The following TRIM49B variants were observed in gnomAD, a reference collection of about 807,000 sequenced individuals.
The protein encoded by TRIM49B is tripartite motif containing 49B, also known as putative tripartite motif-containing protein 49B.
A neutral mutation model predicts 31.8 loss-of-function variants in TRIM49B; 18 were observed. The ratio of observed to expected loss-of-function variants is 0.57; its 90% CI spans 0.39 to 0.84. The LOEUF (loss-of-function observed/expected upper bound fraction) is 0.84. TRIM49B is among the 40% of genes least tolerant of loss of function. TRIM49B has a pLI of 0.00. For synonymous variants in TRIM49B, 196 were observed against 180.6 expected (o/e 1.09, Z -0.68); for missense variants, 494 against 538.7 (o/e 0.92, Z 0.82).
At position 49,034,233 on chromosome 11, in the gene TRIM49B, G is replaced by A. The variant is rs753961757; in HGVS notation, c.595G>A (p.Glu199Lys). Reference protein sequence around the residue: ...FHHEEEKHNLEMLKKKGKDIF... With the variant: ...FHHEEEKHNLKMLKKKGKDIF... ...CCATGAAGAAGAAAAACATAATTTGGAGATGCTGAAAAAGAAGGGGAAAGA... is the reference window on the plus strand; with the variant it reads ...CCATGAAGAAGAAAAACATAATTTGAAGATGCTGAAAAAGAAGGGGAAAGA... Residue 199 changes from glutamate (E) to lysine (K), a missense_variant, in exon 4 of 7, where the codon GAG becomes AAG. Around this residue, in one of 3 missense-constraint regions of TRIM49B, gnomAD observed 251 missense variants for 232.8 expected, o/e 1.08. Coordinates refer to ENST00000332682, the MANE Select transcript of TRIM49B (RefSeq NM_001206626.2). 145 of 1,611,822 alleles carry A rather than the reference G, an allele frequency of 9.0e-5. No homozygotes were observed. The highest frequency in any genetic ancestry group is 2.2e-4 in the South Asian group (20 of 90,984).
chr11:49,031,813 A>G lies in TRIM49B; in HGVS notation c.214A>G (p.Lys72Glu). The G allele has an allele frequency of 4.3e-6, 7 of 1,613,992 alleles. No individual in the cohort carries two copies. Among genetic ancestry groups the G allele is most frequent in the Non-Finnish European group, 5.9e-6 (7 of 1,179,872 alleles). ...CCTCAAAACCAACATTCATTTCAAGAAGATGGCTTCTCTTGCTAGAAAAGT... is the reference window on the plus strand; with the variant it reads ...CCTCAAAACCAACATTCATTTCAAGGAGATGGCTTCTCTTGCTAGAAAAGT... Reference protein sequence around the residue: ...INLKTNIHFKKMASLARKVSL... With the variant: ...INLKTNIHFKEMASLARKVSL... The change falls in exon 2 of 7, where the codon AAG becomes GAG. Residue 72 changes from lysine (K) to glutamate (E), a missense_variant. Transcript: ENST00000332682.
chr11:49,034,381 A>G lies in TRIM49B; in HGVS notation c.738+5A>G. The G allele has an allele frequency of 2.5e-6, 4 of 1,612,002 alleles. No individual in the cohort carries two copies. The highest frequency in any genetic ancestry group is 3.4e-6 in the Non-Finnish European group (4 of 1,179,834). ...CCAGATGTGGAGCTACTTCAGGTAC[A>G]AACTCGCCATGTGGTTTCAGGTTTT... On this transcript the variant is annotated splice_donor_5th_base_variant and intron_variant, in intron 4 of 6. Transcript: ENST00000332682.
intron 6 of TRIM49B, 30 bp from the exon 7 acceptor site, chr11:49,037,448 G>T (rs542827980): frequency 1.5e-4 from 236 of 1,593,426 alleles, no homozygotes; most frequent in Non-Finnish European, 1.8e-4. Flanking sequence ...TTATTTACAC[G>T]TCTATGCATG....
chr11:49,036,506 A>C (rs1490034352), intron 6 of TRIM49B, 108 bp downstream of exon 6: 3 of 681,826 alleles, frequency 4.4e-6, no homozygotes, highest in Non-Finnish European at 7.2e-6. Context: ...CTTTTAAGAC[A>C]TAAGTGAACA....
chr11:49,034,225 A>G lies in TRIM49B; in HGVS notation c.587A>G (p.His196Arg). The change falls in exon 4 of 7, where the codon CAT becomes CGT. Residue 196 changes from histidine to arginine, a missense_variant. This residue lies in a region of TRIM49B where 251 missense variants were observed against 232.8 expected (regional missense o/e 1.08). Transcript: ENST00000332682. ...GCATTTCACCATGAAGAAGAAAAAC[A>G]TAATTTGGAGATGCTGAAAAAGAAG... ...MPAFHHEEEKHNLEMLKKKGK... is the reference protein window; with the variant it reads ...MPAFHHEEEKRNLEMLKKKGK... 6.2e-7 allele frequency: 1 copy of G among 1,611,982 alleles called. No individual in the cohort carries two copies. Among genetic ancestry groups the G allele is most frequent in the Non-Finnish European group, 8.5e-7 (1 of 1,179,814 alleles).
In TRIM49B at chr11:49,032,475, G is replaced by C. The variant is rs1590634555; in HGVS notation, c.507+104G>C. ...CAAACTGTAATGTTTCTGGGATTCA[G>C]TAAAAAAAAAAGAAAAAAAAAGCGA... On this transcript the variant is annotated intron_variant, in intron 3 of 6. Coordinates refer to ENST00000332682, the MANE Select transcript of TRIM49B (RefSeq NM_001206626.2). The C allele has an allele frequency of 3.5e-6, 5 of 1,430,362 alleles. No homozygotes were observed. The East Asian group carries it at 1.3e-4, about 36-fold the overall frequency. 88.6% of individuals were successfully genotyped at this position (1,430,362 alleles called of 1,614,324 possible). A position where few individuals can be genotyped will look rare whatever the true frequency, so the allele number is the denominator to read the frequency against.
intron 1 of TRIM49B, among the ~76,000 whole-genome samples, chr11:49,029,180 T>C (rs1854417317): frequency 6.6e-6 from 1 of 152,204 alleles, no homozygotes; most frequent in South Asian, 2.1e-4. Flanking sequence ...AAAAACAAAA[T>C]ATCTAGTGTT....
At chr11:49,033,218 T>C (rs898211048) in intron 3 of TRIM49B, among the ~76,000 whole-genome samples, 1 of 152,150 alleles carries the variant, frequency 6.6e-6, no homozygotes, top group Non-Finnish European at 1.5e-5. Context: ...ATATATGCAA[T>C]ACATGATGTA....
chr11:49,035,146 G>A (rs758225057), intron 5 of TRIM49B, 29 bp downstream of exon 5: 2 of 1,581,234 alleles, frequency 1.3e-6, no homozygotes, highest in Non-Finnish European at 1.7e-6. Context: ...TTTAGCATAT[G>A]TTCTTTAAGA....
intron 3 of TRIM49B, 117 bp downstream of exon 3, chr11:49,032,488 A>C: frequency 1.3e-6 from 2 of 1,522,708 alleles, no homozygotes; most frequent in Non-Finnish European, 1.8e-6. Context: ...AAAAAAAAAG[A>C]AAAAAAAAGC....
At chr11:49,033,889 C>A (rs761014811) in intron 3 of TRIM49B, among the ~76,000 whole-genome samples, 3 of 152,108 alleles carry the variant, frequency 2.0e-5, no homozygotes, top group South Asian at 2.1e-4. Flanking sequence ...GTTGGAATAG[C>A]GAAATTCAAA....
intron 4 of TRIM49B, 42 bp from the exon 5 acceptor site, chr11:49,035,053 T>G: frequency 6.2e-7 from 1 of 1,606,366 alleles, no homozygotes; most frequent in Non-Finnish European, 8.5e-7. Context: ...AAGATGCATC[T>G]TGTGAAATGC....
chr11:49,035,439 A>G (rs1194403450), intron 5 of TRIM49B, among the ~76,000 whole-genome samples: 1 of 136,698 alleles, frequency 7.3e-6, no homozygotes, highest in Non-Finnish European at 1.5e-5. Flanking sequence ...GGCTCACTGC[A>G]AGCTCCGCCT....
At chr11:49,035,495 G>A (rs1261188248) in intron 5 of TRIM49B, among the ~76,000 whole-genome samples, 2 of 151,648 alleles carry the variant, frequency 1.3e-5, no homozygotes, top group African/African-American at 2.4e-5. Flanking sequence ...GAGTACCGGG[G>A]ACTACAGGCG....
chr11:49,032,184 G>T, intron 2 of TRIM49B, 92 bp from the exon 3 acceptor site: 1 of 1,608,686 alleles, frequency 6.2e-7, no homozygotes, highest in Admixed American at 1.7e-5. Context: ...CAAAGGAAAT[G>T]CCATTTACTA....
At position 49,037,574 on chromosome 11, in the gene TRIM49B, C is replaced by G; in HGVS notation, c.956C>G (p.Pro319Arg). ...ATTGGATGTGACCATCAAGATGTACCCTATTTCACTGCAACACCTAGAAGT... is the reference window on the plus strand; with the variant it reads ...ATTGGATGTGACCATCAAGATGTACGCTATTTCACTGCAACACCTAGAAGT... ...MCIGCDHQDV[P>R]YFTATPRSFL... Residue 319 changes from proline to arginine, a missense_variant, in exon 7 of 7, where the codon CCC (proline) becomes CGC (arginine). Around this residue, in one of 3 missense-constraint regions of TRIM49B, gnomAD observed 233 missense variants for 281.4 expected, o/e 0.83. Coordinates refer to ENST00000332682, the MANE Select transcript of TRIM49B (RefSeq NM_001206626.2). The G allele has an allele frequency of 6.2e-7, 1 of 1,614,036 alleles. No homozygotes were observed. Among genetic ancestry groups the G allele is most frequent in the East Asian group, 2.2e-5 (1 of 44,870 alleles).
At chr11:49,029,552 A>G (rs1279005685) in intron 1 of TRIM49B, among the ~76,000 whole-genome samples, 1 of 152,216 alleles carries the variant, frequency 6.6e-6, no homozygotes, top group African/African-American at 2.4e-5. Flanking sequence ...AACTGTGAAA[A>G]ATTTCTTAAA....
intron 6 of TRIM49B, among the ~76,000 whole-genome samples, chr11:49,037,212 T>A (rs116723183): frequency 6.6e-6 from 1 of 152,220 alleles, no homozygotes; most frequent in Non-Finnish European, 1.5e-5. Context: ...ATTTAGGGCA[T>A]ACAATGTATA....
chr11:49,034,752 T>C (rs2134699409), intron 4 of TRIM49B, among the ~76,000 whole-genome samples: 1 of 152,296 alleles, frequency 6.6e-6, no homozygotes, highest in South Asian at 2.1e-4. Flanking sequence ...TAGGTTTGCA[T>C]TAACGTTATT....
Sources: allele counts gnomAD v4.1 joint callset (sites outside exome capture counted in the v4.1 genomes callset), GRCh38; gene constraint gnomAD v4.1.1; regional missense constraint gnomAD v4.1.1; transcripts MANE v1.5; gene names NCBI Gene and HGNC (gene_info 2026-07-23, HGNC 2026-07-21).